SELENOI: variants seen among roughly 807,000 people sequenced by gnomAD.
SELENOI encodes the protein selenoprotein I, also known as ethanolaminephosphotransferase 1.
In SELENOI, 24 loss-of-function variants were observed where a neutral mutation model predicts 50.7. The observed-to-expected ratio is 0.47, with a 90% confidence interval of 0.34 to 0.67. The LOEUF (loss-of-function observed/expected upper bound fraction) is 0.67. Ranked by LOEUF, SELENOI falls within the 30% of genes least tolerant of loss-of-function variation. SELENOI has a pLI of 0.01. For missense variants in SELENOI, 352 were observed against 461.4 expected (o/e 0.76, Z 2.17); for synonymous variants, 155 against 170.2 (o/e 0.91, Z 0.70).
At chr2:26,363,093 A>G (rs529790468) in intron 1 of SELENOI, among the ~76,000 whole-genome samples, 114 of 152,208 alleles carry the variant, frequency 7.5e-4, no homozygotes, top group African/African-American at 2.6e-3. Context: ...ACCCTAACCT[A>G]TTTTGTCTTC....
At chr2:26,360,953 G>A (rs1356057016) in intron 1 of SELENOI, among the ~76,000 whole-genome samples, 1 of 152,170 alleles carries the variant, frequency 6.6e-6, no homozygotes, top group Non-Finnish European at 1.5e-5. Flanking sequence ...GGTGGCTTAC[G>A]CCTGTAATCC....
intron 6 of SELENOI, among the ~76,000 whole-genome samples, chr2:26,381,835 A>ATC (rs1479541913): frequency 6.6e-6 from 1 of 152,124 alleles, no homozygotes; most frequent in Non-Finnish European, 1.5e-5. Context: ...TTTAAGCCAG[A>ATC]TGTCTTAGGA....
chr2:26,347,499 A>T (rs183910990), intron 1 of SELENOI, among the ~76,000 whole-genome samples: 1 of 151,982 alleles, frequency 6.6e-6, no homozygotes, highest in African/African-American at 2.4e-5. Flanking sequence ...TTCAAGCCGT[A>T]TTGTGCCATA....
At chr2:26,359,642 C>T (rs1677134265) in intron 1 of SELENOI, among the ~76,000 whole-genome samples, 1 of 150,462 alleles carries the variant, frequency 6.6e-6, no homozygotes, top group Non-Finnish European at 1.5e-5. Flanking sequence ...GACTCTGTCT[C>T]AAAAAAAAGA....
chr2:26,381,625 T>G (rs1383279883), intron 6 of SELENOI, among the ~76,000 whole-genome samples: 3 of 152,222 alleles, frequency 2.0e-5, no homozygotes, highest in African/African-American at 7.2e-5. Context: ...TCATTTAGCC[T>G]TGGCTCCCCT....
chr2:26,380,304 A>G (rs1572335620), intron 6 of SELENOI, among the ~76,000 whole-genome samples: 1 of 150,966 alleles, frequency 6.6e-6, no homozygotes, highest in Non-Finnish European at 1.5e-5. Context: ...CTTTCTTACT[A>G]TAAGTAAATA....
At chr2:26,378,017 A>T (rs1436131651) in intron 6 of SELENOI, among the ~76,000 whole-genome samples, 1 of 151,964 alleles carries the variant, frequency 6.6e-6, no homozygotes, top group Non-Finnish European at 1.5e-5. Context: ...ATCACATTGT[A>T]TTAAGTAGCT....
At chr2:26,379,539 T>G (rs1421534541) in intron 6 of SELENOI, among the ~76,000 whole-genome samples, 1 of 152,040 alleles carries the variant, frequency 6.6e-6, no homozygotes, top group African/African-American at 2.4e-5. Flanking sequence ...GGTCTTCCTA[T>G]TGCATCACAT....
At position 26,373,366 on chromosome 2, in the gene SELENOI, G is replaced by C; in HGVS notation, c.311-1G>C. 3.1e-6 allele frequency: 5 copies of C among 1,605,454 alleles called. No homozygotes were observed. The highest frequency in any genetic ancestry group is 4.3e-6 in the Non-Finnish European group (5 of 1,174,626). On this transcript the variant is annotated splice_acceptor_variant, in intron 4 of 9. Coordinates refer to ENST00000260585, the MANE Select transcript of SELENOI (RefSeq NM_033505.4). LOFTEE classifies it high-confidence loss of function. ...TTTCCTGTGGTTTGTTTTTGTTGCA[G>C]ATGGTGTGGACGGAAAGCAAGCTCG... is the stretch of plus-strand genomic sequence containing the variant.
At chr2:26,358,974 A>G (rs1408940042) in intron 1 of SELENOI, among the ~76,000 whole-genome samples, 1 of 152,160 alleles carries the variant, frequency 6.6e-6, no homozygotes, top group African/African-American at 2.4e-5. Context: ...CCTAGACCAC[A>G]TGTTTGTGTT....
At chr2:26,377,916 GA>G (rs1370918247) in intron 6 of SELENOI, among the ~76,000 whole-genome samples, 1 of 151,932 alleles carries the variant, frequency 6.6e-6, no homozygotes, top group African/African-American at 2.4e-5. Flanking sequence ...TATATTTGTG[GA>G]GACTATAATC....
In SELENOI at chr2:26,367,151, G is replaced by A. The variant is rs1315175274; in HGVS notation, c.241G>A (p.Gly81Ser). 2 of 1,609,266 alleles carry A rather than the reference G, an allele frequency of 1.2e-6. No individual in the cohort carries two copies. Among genetic ancestry groups the A allele is most frequent in the African/African-American group, 2.7e-5 (2 of 74,876 alleles). The change falls in exon 4 of 10, where the codon GGT becomes AGT. Residue 81 changes from glycine (G) to serine (S), a missense_variant. Physicochemically the swap from Gly to Ser is moderately conservative, Grantham distance 56 (BLOSUM62 0). Transcript: ENST00000260585. ...TTAGTTGCTTTCCTTTTCAGCACCA[G>A]GTCACAAGCACGTGCCTGACTGGGT... ...FDPDFYASAPGHKHVPDWVWI... is the reference protein window; with the variant it reads ...FDPDFYASAPSHKHVPDWVWI...
intron 1 of SELENOI, among the ~76,000 whole-genome samples, chr2:26,354,845 AG>A (rs1677034085): frequency 6.6e-6 from 1 of 152,228 alleles, no homozygotes; most frequent in Non-Finnish European, 1.5e-5. Flanking sequence ...AATTATTAGT[AG>A]GGGCAAGCGG....
At chr2:26,368,592 A>G (rs532162125) in intron 4 of SELENOI, among the ~76,000 whole-genome samples, 10 of 152,356 alleles carry the variant, frequency 6.6e-5, no homozygotes, top group African/African-American at 2.2e-4. Context: ...GTTTGATCAC[A>G]GGATGCTGCT....
At chr2:26,364,806 AT>A (rs1558414786) in intron 2 of SELENOI, 25 bp from the exon 3 acceptor site, 7 of 1,515,010 alleles carry the variant, frequency 4.6e-6, no homozygotes, top group Non-Finnish European at 6.4e-6. Flanking sequence ...TACTTTAATT[AT>A]TTTATAATTA....
chr2:26,378,574 G>A (rs1279126568), intron 6 of SELENOI, among the ~76,000 whole-genome samples: 1 of 152,186 alleles, frequency 6.6e-6, no homozygotes, highest in Non-Finnish European at 1.5e-5. Flanking sequence ...GCTTCCATAA[G>A]CTGGTAAGGA....
At chr2:26,364,663 GAAGA>G (rs1677249725) in intron 2 of SELENOI, among the ~76,000 whole-genome samples, 165 bp from the exon 3 acceptor site, 1 of 152,156 alleles carries the variant, frequency 6.6e-6, no homozygotes. Context: ...ATAGAGGATG[GAAGA>G]AAGAATGCTG....
chr2:26,346,664 A>T (rs1373863578), intron 1 of SELENOI: 2 of 165,582 alleles, frequency 1.2e-5, no homozygotes, highest in Non-Finnish European at 2.6e-5. Context: ...CCTGTCATGC[A>T]TACAACTTCG....
At chr2:26,349,144 T>C (rs1676896147) in intron 1 of SELENOI, among the ~76,000 whole-genome samples, 1 of 149,522 alleles carries the variant, frequency 6.7e-6, no homozygotes, top group Non-Finnish European at 1.5e-5. Flanking sequence ...GCCTCCCGAG[T>C]AGCTGGGATT....
Sources: gnomAD v4.1 joint callset for allele counts (sites outside exome capture counted in the v4.1 genomes callset) on GRCh38, gnomAD v4.1.1 for gene constraint, MANE v1.5 for transcripts, NCBI Gene and HGNC (gene_info 2026-07-23, HGNC 2026-07-21) for gene names.